The following TNFRSF10D variants were observed in gnomAD, a reference collection of about 807,000 sequenced individuals.
TNFRSF10D encodes TNF receptor superfamily member 10d.
A neutral mutation model predicts 42.1 loss-of-function variants in TNFRSF10D; 28 were observed. The observed-to-expected ratio is 0.66, with a 90% CI of 0.49 to 0.91. The LOEUF (loss-of-function observed/expected upper bound fraction) is 0.91, where lower values mean the gene tolerates loss of function less well. Ranked by LOEUF, TNFRSF10D falls within the 40% of genes least tolerant of loss-of-function variation. TNFRSF10D has a pLI of 0.00. For missense variants in TNFRSF10D, 503 were observed against 486.1 expected (o/e 1.03, Z -0.33); for synonymous variants, 186 against 189.4 (o/e 0.98, Z 0.15).
intron 3 of TNFRSF10D, among the ~76,000 whole-genome samples, chr8:23,147,602 G>A (rs1401424875): frequency 6.6e-6 from 1 of 152,198 alleles, no homozygotes; most frequent in Admixed American, 6.5e-5. Flanking sequence ...CAATAGTTTA[G>A]AAGATTTCCC....
chr8:23,153,995 A>G (rs115551184), intron 2 of TNFRSF10D, among the ~76,000 whole-genome samples: 939 of 152,272 alleles, frequency 6.2e-3, no homozygotes, highest in African/African-American at 0.019. Context: ...ATGAAAAGGT[A>G]AAGAAAATGT....
intron 1 of TNFRSF10D, among the ~76,000 whole-genome samples, chr8:23,162,736 C>T (rs1800389247): frequency 6.6e-6 from 1 of 152,280 alleles, no homozygotes; most frequent in South Asian, 2.1e-4. Context: ...AGAGGGGACA[C>T]ACGGGTGGCA....
intron 7 of TNFRSF10D, among the ~76,000 whole-genome samples, chr8:23,138,775 A>C (rs984047941): frequency 1.3e-5 from 2 of 152,252 alleles, no homozygotes; most frequent in Non-Finnish European, 2.9e-5. Flanking sequence ...GGAGGCTGGA[A>C]AGACATTTGG....
In TNFRSF10D at chr8:23,146,978, G is replaced by A. The variant is rs1415918810; in HGVS notation, c.465C>T (p.Cys155=). 3.1e-6 allele frequency: 5 copies of A among 1,614,122 alleles called. No individual in the cohort carries two copies. The highest frequency in any genetic ancestry group is 4.2e-6 in the Non-Finnish European group (5 of 1,179,960). ...TGTCTTACCCTGTTCTACACGTCCG[G>A]CACATCTCAGGGGAGTTTTTATCCT... is the stretch of plus-strand genomic sequence containing the variant. ...SFQDKNSPEM[C]RTCRTGCPRG... The change falls in exon 4 of 9, where the codon TGC becomes TGT. Residue 155 remains cysteine, a synonymous_variant. Transcript: ENST00000312584.
Position 23,148,533 on chromosome 8 carries a change from T to C in TNFRSF10D, c.275A>G (p.Tyr92Cys). 2.5e-6 allele frequency: 4 copies of C among 1,608,680 alleles called. No individual in the cohort carries two copies. Among genetic ancestry groups the C allele is most frequent in the Non-Finnish European group, 3.4e-6 (4 of 1,176,370 alleles). Reference protein sequence around the residue: ...ECPAGSHRSEYTGACNPCTEG... With the variant: ...ECPAGSHRSECTGACNPCTEG... The stretch of plus-strand genomic sequence containing the variant: ...TGTGCACGGGTTACAGGCTCCAGTA[T>C]ATTCTGATCTATGAGATCCTGGGAA... The change falls in exon 3 of 9, where the codon TAT becomes TGT. Residue 92 changes from tyrosine to cysteine, a missense_variant. Coordinates refer to ENST00000312584, the MANE Select transcript of TNFRSF10D (RefSeq NM_003840.5).
In TNFRSF10D at chr8:23,163,829, T is replaced by G. The variant is rs772983710; in HGVS notation, c.107A>C (p.Lys36Thr). 6.2e-7 allele frequency: 1 copy of G among 1,608,920 alleles called. No individual in the cohort carries two copies. The highest frequency in any genetic ancestry group is 8.5e-7 in the Non-Finnish European group (1 of 1,178,408). The change falls in exon 1 of 9, where the codon AAG becomes ACG. Residue 36 changes from lysine (K) to threonine (T), a missense_variant. Lys to Thr is a moderately conservative substitution (Grantham distance 78). Transcript: ENST00000312584. The stretch of plus-strand genomic sequence containing the variant: ...GATGAAGACGACGAACTTAAGGATC[T>G]TGGGGTCCAGGAGCCATGGTCTGGT... ...SGTRPWLLDP[K>T]ILKFVVFIVA...
rs1184925434 is a variant in TNFRSF10D at position 23,146,899 on chromosome 8, C to T, written c.482+62G>A. On this transcript the variant is annotated intron_variant, in intron 4 of 8. Coordinates refer to ENST00000312584, the MANE Select transcript of TNFRSF10D (RefSeq NM_003840.5). ...GGGGTCAGCGGAGAGATAGAGGTAC[C>T]AGGTGAATCAGGTCTTTTCAGGTTC... The T allele has an allele frequency of 3.0e-6, 4 of 1,333,854 alleles. No homozygotes were observed. The African/African-American group carries it at 5.8e-5, about 19-fold the overall frequency. The allele number at this position is 1,333,854 out of a possible 1,614,324, so 82.6% of individuals were successfully genotyped here.
chr8:23,154,926 T>C lies in TNFRSF10D; in HGVS notation c.204A>G (p.Thr68=). ...IPRQDEVPQQ[T]VAPQQQRRSL... is the part of the protein sequence containing the mutation. ...TGCGCCTCTGTTGCTGTGGGGCCAC[T>C]GTCTGCTGGGGAACTTCGTCCTGCC... The change falls in exon 2 of 9, where the codon ACA becomes ACG. Residue 68 remains threonine, a synonymous_variant. Coordinates refer to ENST00000312584, the MANE Select transcript of TNFRSF10D (RefSeq NM_003840.5). 6.2e-7 allele frequency: 1 copy of C among 1,614,014 alleles called. No homozygotes were observed. The highest frequency in any genetic ancestry group is 1.1e-5 in the South Asian group (1 of 91,026).
In TNFRSF10D at chr8:23,137,966, T is replaced by C; in HGVS notation, c.1065A>G (p.Glu355=). ...TLLDASATLE[E]GHAKETIQDQ... is the part of the protein sequence containing the mutation. ...CCTGAATTGTTTCCTTTGCATGTCC[T>C]TCTTCCAGTGTTGCCGAGGCATCCA... is the stretch of plus-strand genomic sequence containing the variant. Residue 355 remains glutamate, a synonymous_variant, in exon 9 of 9, where the codon GAA becomes GAG. Transcript: ENST00000312584. The C allele has an allele frequency of 6.2e-7, 1 of 1,614,220 alleles. No individual in the cohort carries two copies. The highest frequency in any genetic ancestry group is 1.6e-4 in the Middle Eastern group (1 of 6,062).
intron 2 of TNFRSF10D, among the ~76,000 whole-genome samples, chr8:23,150,239 C>A (rs137891939): frequency 6.6e-6 from 1 of 152,324 alleles, no homozygotes; most frequent in African/African-American, 2.4e-5. Context: ...AGACCCATCA[C>A]AGCACCTGGC....
chr8:23,139,670 G>T (rs1814409564), intron 7 of TNFRSF10D, among the ~76,000 whole-genome samples: 1 of 152,128 alleles, frequency 6.6e-6, no homozygotes. Flanking sequence ...AGTACTGGAA[G>T]TCCTAGTCAG....
chr8:23,162,499 T>C (rs1261971691), intron 1 of TNFRSF10D, among the ~76,000 whole-genome samples: 2 of 151,840 alleles, frequency 1.3e-5, no homozygotes, highest in Non-Finnish European at 2.9e-5. Flanking sequence ...AATCTTGTTT[T>C]ATCCTCCCCG....
At chr8:23,151,028 A>T (rs116008843) in intron 2 of TNFRSF10D, among the ~76,000 whole-genome samples, 851 of 152,100 alleles carry the variant, frequency 5.6e-3, no homozygotes, top group African/African-American at 0.018. Flanking sequence ...GTCCCAAAAC[A>T]GGATGGGAAT....
At chr8:23,156,434 T>C (rs559143348) in intron 1 of TNFRSF10D, among the ~76,000 whole-genome samples, 640 of 151,728 alleles carry the variant, frequency 4.2e-3, no homozygotes, top group African/African-American at 0.013. Flanking sequence ...GTGAAGCTAA[T>C]GCACATTTCC....
intron 2 of TNFRSF10D, among the ~76,000 whole-genome samples, chr8:23,152,386 A>G (rs1800223056): frequency 6.6e-6 from 1 of 152,146 alleles, no homozygotes. Context: ...TGGGCATTAT[A>G]CCCCAGGCTT....
rs1201464610 is a variant in TNFRSF10D, at chr8:23,154,868, G to A, written c.256+6C>T. On this transcript the variant is annotated splice_donor_region_variant and intron_variant, in intron 2 of 8. Coordinates refer to ENST00000312584, the MANE Select transcript of TNFRSF10D (RefSeq NM_003840.5). ...AATAAACTGATTTTTAAAAATAAGA[G>A]TGCACCTGCTGGACACTCCTCCTCC... 1 of 1,610,542 alleles carries A rather than the reference G, an allele frequency of 6.2e-7. No individual in the cohort carries two copies. The highest frequency in any genetic ancestry group is 8.5e-7 in the Non-Finnish European group (1 of 1,178,246).
rs1383131038 is a variant in TNFRSF10D, at chr8:23,138,220, A to G, written c.995T>C (p.Leu332Pro). 2 of 1,614,224 alleles carry G rather than the reference A, an allele frequency of 1.2e-6. No homozygotes were observed. The highest frequency in any genetic ancestry group is 4.5e-5 in the East Asian group (2 of 44,886). ...EAEGCQRRRL[L>P]VPVNDADSAD... Reference sequence around the variant, plus strand: ...GGAGTCAGCGTCATTCACTGGAACCAGCAGCCTCCTCCTCTGACACCCTTC... The same window carrying G: ...GGAGTCAGCGTCATTCACTGGAACCGGCAGCCTCCTCCTCTGACACCCTTC... The change falls in exon 8 of 9, where the codon CTG (leucine) becomes CCG (proline). Residue 332 changes from leucine to proline, a missense_variant. Coordinates refer to ENST00000312584, the MANE Select transcript of TNFRSF10D (RefSeq NM_003840.5).
chr8:23,146,548 C>T (rs1217594309), intron 4 of TNFRSF10D, among the ~76,000 whole-genome samples: 1 of 151,978 alleles, frequency 6.6e-6, no homozygotes, highest in Non-Finnish European at 1.5e-5. Context: ...GGGTCCCTGC[C>T]CACATAAAAA....
Position 23,145,650 on chromosome 8 carries a change from C to T in TNFRSF10D, c.736+18G>A. On this transcript the variant is annotated intron_variant, in intron 5 of 8. Coordinates refer to ENST00000312584, the MANE Select transcript of TNFRSF10D (RefSeq NM_003840.5). ...GGGCAGACAGTGCCCAGCGCTCCCA[C>T]CCTCAGCCAGCACCTACCTGAGCAG... 1 of 1,613,552 alleles carries T rather than the reference C, an allele frequency of 6.2e-7. No individual in the cohort carries two copies. The highest frequency in any genetic ancestry group is 8.5e-7 in the Non-Finnish European group (1 of 1,180,020).
Sources: allele counts gnomAD v4.1 joint callset (sites outside exome capture counted in the v4.1 genomes callset), GRCh38; gene constraint gnomAD v4.1.1; transcripts MANE v1.5; gene names NCBI Gene and HGNC (gene_info 2026-07-23, HGNC 2026-07-21).